CSMD1: variants seen among roughly 807,000 people sequenced by gnomAD.
CSMD1 encodes the protein CUB and Sushi multiple domains 1.
Under a neutral mutation model 417.5 loss-of-function variants are expected in CSMD1, and 213 were observed. The ratio of observed to expected loss-of-function variants is 0.51; its 90% CI spans 0.46 to 0.57. The LOEUF (loss-of-function observed/expected upper bound fraction) is 0.57, where lower values mean the gene tolerates loss of function less well. Ranked by LOEUF, CSMD1 falls within the 20% of genes least tolerant of loss-of-function variation. CSMD1 has a pLI of 0.00. For missense variants in CSMD1, 6,923 were observed against 4,529.7 expected (o/e 1.53, Z -15.17); for synonymous variants, 2,862 against 1,736.8 (o/e 1.65, Z -16.11).
chr8:4,005,237 AACTT>A (rs1210462357), intron 4 of CSMD1, among the ~76,000 whole-genome samples: 3 of 151,238 alleles, frequency 2.0e-5, no homozygotes, highest in Non-Finnish European at 4.4e-5. Context: ...ACCACTGAAG[AACTT>A]ACTTATGTAA....
chr8:3,243,780 A>C (rs1799701592), intron 26 of CSMD1, among the ~76,000 whole-genome samples: 1 of 150,510 alleles, frequency 6.6e-6, no homozygotes, highest in Non-Finnish European at 1.5e-5. Flanking sequence ...TCATTTATAT[A>C]TAATATTGTC....
chr8:3,446,995 A>G (rs78374036), intron 12 of CSMD1, among the ~76,000 whole-genome samples: 1,756 of 152,340 alleles, frequency 0.012, 27 homozygotes, highest in African/African-American at 0.038. Flanking sequence ...GATGTAAAGA[A>G]TAAAGGAATT....
At chr8:4,211,758 C>G (rs1393017401) in intron 3 of CSMD1, among the ~76,000 whole-genome samples, 1 of 152,158 alleles carries the variant, frequency 6.6e-6, no homozygotes, top group Non-Finnish European at 1.5e-5. Flanking sequence ...AAATGTCAAC[C>G]TCCTTCACAA....
chr8:4,946,237 G>T lies in CSMD1; in HGVS notation c.85+48095C>A, dbSNP rs185324220. ...TGGATCTAAATCCCTGTCTTGTTAC[G>T]TTCTCAGAGACTGATGCTTTTGGTC... On this transcript the variant is annotated intron_variant, in intron 1 of 69. Transcript: ENST00000635120. 5.3e-5 allele frequency among the ~76,000 whole-genome samples: 8 copies of T among 152,272 alleles called. No individual in the cohort carries two copies. In the East Asian group the frequency reaches 1.4e-3, roughly 26 times the overall value.
chr8:3,983,011 C>T (rs1472073433), intron 5 of CSMD1, among the ~76,000 whole-genome samples: 2 of 152,144 alleles, frequency 1.3e-5, no homozygotes, highest in Non-Finnish European at 2.9e-5. Flanking sequence ...TAGCCCAAGA[C>T]AGCACAGCGG....
intron 3 of CSMD1, among the ~76,000 whole-genome samples, chr8:4,102,399 C>G (rs566533109): frequency 6.6e-6 from 1 of 152,052 alleles, no homozygotes; most frequent in Non-Finnish European, 1.5e-5. Flanking sequence ...AAGGTTAACC[C>G]CTCTGGAGAA....
chr8:3,730,707 C>T (rs1466629455), intron 6 of CSMD1, among the ~76,000 whole-genome samples: 1 of 152,158 alleles, frequency 6.6e-6, no homozygotes, highest in African/African-American at 2.4e-5. Flanking sequence ...TTGTTTATTC[C>T]ATTAAACAGA....
At chr8:4,064,795 T>C (rs1210179665) in intron 3 of CSMD1, among the ~76,000 whole-genome samples, 1 of 152,184 alleles carries the variant, frequency 6.6e-6, no homozygotes, top group East Asian at 1.9e-4. Context: ...AGCCTTCCTG[T>C]ACTCCCGGTG....
intron 4 of CSMD1, among the ~76,000 whole-genome samples, chr8:4,016,597 C>G (rs925800922): frequency 1.3e-5 from 2 of 152,170 alleles, no homozygotes; most frequent in Non-Finnish European, 2.9e-5. Context: ...AGCCTTTCCC[C>G]AGATGAGGAA....
intron 10 of CSMD1, among the ~76,000 whole-genome samples, chr8:3,518,145 A>G (rs531451816): frequency 6.7e-6 from 1 of 148,578 alleles, no homozygotes; most frequent in African/African-American, 2.5e-5. Flanking sequence ...TCTAGAAAAA[A>G]AAGAATGGAA....
chr8:3,451,365 G>C (rs150075455), intron 12 of CSMD1, among the ~76,000 whole-genome samples: 3,223 of 152,242 alleles, frequency 0.021, 130 homozygotes, highest in African/African-American at 0.073. Flanking sequence ...ATTGCTTTTG[G>C]TGTTTTAGAC....
intron 2 of CSMD1, among the ~76,000 whole-genome samples, chr8:4,441,793 A>G (rs1275895059): frequency 6.6e-6 from 1 of 152,142 alleles, no homozygotes; most frequent in Non-Finnish European, 1.5e-5. Context: ...GTATCACAAG[A>G]TAAATCAAAT....
intron 2 of CSMD1, among the ~76,000 whole-genome samples, chr8:4,629,397 A>G (rs1011636871): frequency 6.6e-6 from 1 of 152,190 alleles, no homozygotes; most frequent in Non-Finnish European, 1.5e-5. Context: ...TGGTTCGAAT[A>G]TACTTACTGG....
chr8:3,523,033 A>C (rs1797575289), intron 10 of CSMD1, among the ~76,000 whole-genome samples: 1 of 151,246 alleles, frequency 6.6e-6, no homozygotes. Flanking sequence ...ACACACACAC[A>C]CACACACTAC....
chr8:4,826,200 C>T (rs1345907497), intron 1 of CSMD1, among the ~76,000 whole-genome samples: 1 of 151,878 alleles, frequency 6.6e-6, no homozygotes, highest in African/African-American at 2.4e-5. Context: ...TTCATTGTTG[C>T]CTTATTCACA....
intron 10 of CSMD1, among the ~76,000 whole-genome samples, chr8:3,528,405 G>A (rs1426772212): frequency 6.6e-6 from 1 of 152,142 alleles, no homozygotes; most frequent in Admixed American, 6.5e-5. Context: ...GCACTCGTGG[G>A]GGAAGGAGGA....
At chr8:2,985,131 AT>A (rs1805771618) in intron 54 of CSMD1, among the ~76,000 whole-genome samples, 1 of 152,198 alleles carries the variant, frequency 6.6e-6, no homozygotes, top group Non-Finnish European at 1.5e-5. Flanking sequence ...CTGTGACACA[AT>A]TTTTATGTCA....
chr8:4,284,300 G>A (rs1049276752), intron 3 of CSMD1, among the ~76,000 whole-genome samples: 10 of 152,176 alleles, frequency 6.6e-5, no homozygotes, highest in East Asian at 1.9e-4. Flanking sequence ...CCCAGGAGGC[G>A]GAGGTTGCCG....
At chr8:4,221,146 G>A (rs547600116) in intron 3 of CSMD1, among the ~76,000 whole-genome samples, 8 of 152,108 alleles carry the variant, frequency 5.3e-5, no homozygotes, top group South Asian at 2.1e-4. Flanking sequence ...AAGAGCGGAG[G>A]AATATCACTG....
Sources: gnomAD v4.1 joint callset for allele counts (sites outside exome capture counted in the v4.1 genomes callset) on GRCh38, gnomAD v4.1.1 for gene constraint, MANE v1.5 for transcripts, NCBI Gene and HGNC (gene_info 2026-07-23, HGNC 2026-07-21) for gene names.